Variants in FGF13 observed in about 807,000 individuals in gnomAD.
FGF13 encodes the protein fibroblast growth factor homologous factor 2.
Under a neutral mutation model 19.5 loss-of-function variants are expected in FGF13, and 2 were observed. The observed-to-expected ratio is 0.10, with a 90% CI of 0.04 to 0.32. The LOEUF (loss-of-function observed/expected upper bound fraction) is 0.32. FGF13 is among the 10% of genes least tolerant of loss of function. FGF13 has a pLI of 1.00. For missense variants in FGF13, 113 were observed against 192.7 expected (o/e 0.59, Z 2.45); for synonymous variants, 72 against 76.9 (o/e 0.94, Z 0.33).
rs1276858892 is a variant in FGF13 at position 138,893,639 on chromosome X, GA to G, written c.-112-28990del. Among the ~76,000 whole-genome samples the G allele has an allele frequency of 1.0e-4, 11 of 107,581 alleles. No homozygotes were observed. The South Asian group carries it at 3.6e-3, about 36-fold the overall frequency. 93.4% of individuals were successfully genotyped at this position (107,581 alleles called of 115,157 possible). A position where few individuals can be genotyped will look rare whatever the true frequency, so the allele number is the denominator to read the frequency against. On this transcript the variant is annotated intron_variant, in intron 1 of 2. Transcript: ENST00000421460. ...ATGTCATCAATCACTTAAGGGTAAG[GA>G]AAAAAAAACAGGTATTAGAGAAAAG...
chrX:138,891,201 C>T (rs112178519), intron 1 of FGF13, among the ~76,000 whole-genome samples: 12,182 of 111,234 alleles, frequency 0.11, 600 homozygotes, highest in Middle Eastern at 0.18. Flanking sequence ...AGGAGAATGC[C>T]GTGAACTCGG....
intron 1 of FGF13, among the ~76,000 whole-genome samples, chrX:139,148,724 G>T (rs1197171593): frequency 9.0e-6 from 1 of 111,019 alleles, no homozygotes; most frequent in Admixed American, 9.6e-5. Context: ...AAAGGCCAGG[G>T]ATGTTCAACA....
In FGF13 at chrX:138,625,532, T is replaced by TATATATAATATA. The variant is rs2089054984; in HGVS notation, c.*7317_*7318insTATATTATATAT. On this transcript the variant is annotated 3_prime_UTR_variant, in exon 5 of 5. Transcript: ENST00000315930. ...ATATAATATAATATATATATATATC[T>TATATATAATATA]TAGCCATATAAAGAGGGAGCTCCTT... The TATATATAATATA allele has an allele frequency of 1.0e-5, 1 of 98,069 alleles. No homozygotes were observed. Among genetic ancestry groups the TATATATAATATA allele is most frequent in the Non-Finnish European group, 2.0e-5 (1 of 50,001 alleles). The allele number at this position is 98,069 out of a possible 1,213,427, so 8.1% of individuals were successfully genotyped here. A position where few individuals can be genotyped will look rare whatever the true frequency, so the allele number is the denominator to read the frequency against.
intron 3 of FGF13, among the ~76,000 whole-genome samples, chrX:138,657,832 C>G (rs1322526157): frequency 8.9e-6 from 1 of 112,125 alleles, no homozygotes; most frequent in Non-Finnish European, 1.9e-5. Context: ...TGTCAGAAAT[C>G]ACAATCTGAA....
upstream of FGF13, among the ~76,000 whole-genome samples, chrX:139,203,864 G>A (rs73634018): frequency 2.7e-5 from 3 of 111,541 alleles, no homozygotes; most frequent in East Asian, 8.6e-4. Context: ...ATTCCGCGAG[G>A]AAGGAGGGAA....
chrX:138,641,478 G>A lies in FGF13; in HGVS notation c.403-5823C>T, dbSNP rs186350958. Among the ~76,000 whole-genome samples the A allele has an allele frequency of 4.1e-3, 456 of 112,076 alleles. 3 individuals are homozygous for A. Among genetic ancestry groups the A allele is most frequent in the Middle Eastern group, 0.018 (4 of 217 alleles). On this transcript the variant is annotated intron_variant, in intron 3 of 4. Transcript: ENST00000315930. ...CCAGATTAAAAGTTAGGTTATTTAA[G>A]CAGGTTTGACTTGTGTACATCAATT... is the stretch of plus-strand genomic sequence containing the variant.
At chrX:138,912,967 G>A (rs1236247366) in intron 1 of FGF13, among the ~76,000 whole-genome samples, 1 of 110,822 alleles carries the variant, frequency 9.0e-6, no homozygotes, top group Non-Finnish European at 1.9e-5. Flanking sequence ...CTCAAAGCCA[G>A]GTTTTCACTC....
intron 1 of FGF13, among the ~76,000 whole-genome samples, chrX:139,004,255 A>G (rs1204329266): frequency 8.9e-6 from 1 of 112,785 alleles, no homozygotes; most frequent in Non-Finnish European, 1.9e-5. Flanking sequence ...CACCCTCCGC[A>G]GCCACTGGCC....
At chrX:139,003,566 T>C (rs935198887) in intron 1 of FGF13, among the ~76,000 whole-genome samples, 2 of 110,703 alleles carry the variant, frequency 1.8e-5, no homozygotes, top group African/African-American at 6.6e-5. Context: ...TTGGTGTGTT[T>C]ACAATCCCTG....
intron 1 of FGF13, among the ~76,000 whole-genome samples, chrX:138,980,396 A>G (rs935543525): frequency 1.8e-5 from 2 of 112,125 alleles, no homozygotes; most frequent in Non-Finnish European, 3.8e-5. Context: ...GTAGAAATCA[A>G]AAAGAATATA....
At chrX:138,939,379 A>G (rs2091747425) in intron 1 of FGF13, among the ~76,000 whole-genome samples, 1 of 111,934 alleles carries the variant, frequency 8.9e-6, no homozygotes, top group Non-Finnish European at 1.9e-5. Context: ...GCAAATCCTC[A>G]GCTTTTTAAA....
downstream of FGF13, among the ~76,000 whole-genome samples, chrX:138,855,146 G>GTT (rs1161593485): frequency 7.2e-5 from 8 of 111,742 alleles, no homozygotes; most frequent in African/African-American, 9.7e-5. Context: ...AATGACCAGT[G>GTT]AACCCTTCCA....
intron 3 of FGF13, among the ~76,000 whole-genome samples, chrX:138,695,670 A>G (rs1490724192): frequency 8.9e-6 from 1 of 111,857 alleles, no homozygotes; most frequent in Admixed American, 9.5e-5. Context: ...TACTAGTGTT[A>G]TTCTTGCAAA....
rs1234448540 is a variant in FGF13, at chrX:138,617,781, A to T, written c.*15069T>A. On this transcript the variant is annotated 3_prime_UTR_variant, in exon 5 of 5. Coordinates refer to ENST00000315930, the MANE Select transcript of FGF13 (RefSeq NM_004114.5). ...ATAGTGAGACCCCATCTCTACAAAA[A>T]ATGTAAAAATATTAGCTGGGCATGG... 1 of 110,839 alleles carries T rather than the reference A, an allele frequency of 9.0e-6. No individual in the cohort carries two copies. The highest frequency in any genetic ancestry group is 3.3e-5 in the African/African-American group (1 of 30,376). The allele number at this position is 110,839 out of a possible 1,213,427, so 9.1% of individuals were successfully genotyped here.
intron 1 of FGF13, among the ~76,000 whole-genome samples, chrX:138,977,806 G>C (rs1049515898): frequency 8.9e-6 from 1 of 112,108 alleles, no homozygotes; most frequent in African/African-American, 3.2e-5. Context: ...CTGTTCTCAT[G>C]AATTATTTAA....
At chrX:138,786,363 C>T (rs1377057952) in intron 3 of FGF13, among the ~76,000 whole-genome samples, 2 of 111,333 alleles carry the variant, frequency 1.8e-5, no homozygotes, top group African/African-American at 3.3e-5. Context: ...AGTATAAATA[C>T]CCACTCTGTA....
chrX:139,064,108 T>G (rs2015555215), intron 1 of FGF13, among the ~76,000 whole-genome samples: 1 of 110,567 alleles, frequency 9.0e-6, no homozygotes, highest in Non-Finnish European at 1.9e-5. Flanking sequence ...TCTTTATTTT[T>G]AATGATGCTT....
At chrX:139,049,284 G>C (rs1467991328) in intron 1 of FGF13, among the ~76,000 whole-genome samples, 2 of 110,633 alleles carry the variant, frequency 1.8e-5, no homozygotes, top group African/African-American at 3.3e-5. Flanking sequence ...GGTAGAATTA[G>C]CTTTTTTTCT....
chrX:138,644,636 T>C (rs1407102843), intron 3 of FGF13, among the ~76,000 whole-genome samples: 4 of 111,610 alleles, frequency 3.6e-5, no homozygotes. Flanking sequence ...CTGTTACATT[T>C]GGTAGGGTTT....
Sources: allele counts gnomAD v4.1 joint callset (sites outside exome capture counted in the v4.1 genomes callset), GRCh38; gene constraint gnomAD v4.1.1; transcripts MANE v1.5; gene names NCBI Gene and HGNC (gene_info 2026-07-23, HGNC 2026-07-21).